Variants in NEB observed in about 807,000 individuals in gnomAD.
NEB encodes nebulin.
A neutral mutation model predicts 952.2 loss-of-function variants in NEB; 512 were observed. The observed-to-expected ratio is 0.54, with a 90% CI of 0.50 to 0.58. The LOEUF is 0.58. Ranked by LOEUF, NEB falls within the 20% of genes least tolerant of loss-of-function variation. NEB has a pLI of 0.00. For missense variants in NEB, 8,428 were observed against 9,231.1 expected (o/e 0.91, Z 3.56); for synonymous variants, 2,900 against 3,149.8 (o/e 0.92, Z 2.66).
chr2:151,732,706 G>A (rs181947347), intron 3 of NEB, among the ~76,000 whole-genome samples: 37 of 152,300 alleles, frequency 2.4e-4, no homozygotes, highest in African/African-American at 8.9e-4. Context: ...TGATTAGCTA[G>A]TTGAAGCAAA....
At chr2:151,696,106 C>T (rs1183076225) in intron 17 of NEB, among the ~76,000 whole-genome samples, 1 of 152,148 alleles carries the variant, frequency 6.6e-6, no homozygotes. Context: ...ATTGAGGTCA[C>T]TTTTATTTTT....
chr2:151,679,892 A>C lies in NEB; in HGVS notation c.3147+26T>G, dbSNP rs772518010. On this transcript the variant is annotated intron_variant, in intron 31 of 181. Transcript: ENST00000397345. Reference sequence around the variant, plus strand: ...GTGTTAGTAAAGTCTGGACATACGCATCAGCCCGTGAGTCCACCCACGCAC... The same window carrying C: ...GTGTTAGTAAAGTCTGGACATACGCCTCAGCCCGTGAGTCCACCCACGCAC... 14 of 1,605,280 alleles carry C rather than the reference A, an allele frequency of 8.7e-6. 1 individual carries two copies. The highest frequency in any genetic ancestry group is 1.7e-4 in the Middle Eastern group (1 of 6,042).
Position 151,545,935 on chromosome 2 carries a change from T to C in NEB, c.20530A>G (p.Thr6844Ala). 2.5e-6 allele frequency: 4 copies of C among 1,610,712 alleles called. No homozygotes were observed. In the South Asian group the frequency reaches 4.4e-5, roughly 18 times the overall value. The change falls in exon 135 of 182, where the codon ACT (threonine) becomes GCT (alanine). Residue 6844 changes from threonine to alanine, a missense_variant. Physicochemically the swap from Thr to Ala is moderately conservative, Grantham distance 58 (BLOSUM62 0). This residue lies in a region of NEB where 3,374 missense variants were observed against 3,651.5 expected (regional missense o/e 0.92). Transcript: ENST00000397345. ...MRDKYKVVLD[T>A]PEYRKVQELK... ...TCTTGCACTTTTCTGTATTCTGGAG[T>C]GTCAAGCACCACTTTGTATTTGTCT...
intron 63 of NEB, among the ~76,000 whole-genome samples, chr2:151,637,069 G>A (rs953304977): frequency 6.6e-5 from 10 of 152,086 alleles, no homozygotes; most frequent in African/African-American, 2.2e-4. Context: ...TGACTGTGCG[G>A]GGTACTTGGG....
At chr2:151,701,686 G>A (rs1232103411) in intron 13 of NEB, among the ~76,000 whole-genome samples, 1 of 150,990 alleles carries the variant, frequency 6.6e-6, no homozygotes, top group Non-Finnish European at 1.5e-5. Flanking sequence ...ATGGTAGTTT[G>A]TATTTCTGTG....
In NEB at chr2:151,663,753, T is replaced by G. The variant is rs748760784; in HGVS notation, c.5558A>C (p.Gln1853Pro). The change falls in exon 45 of 182, where the codon CAG becomes CCG. Residue 1853 changes from glutamine (Q) to proline (P), a missense_variant. Around this residue, in one of 11 missense-constraint regions of NEB, gnomAD observed 2,851 missense variants for 2,791.5 expected, o/e 1.02. Transcript: ENST00000397345. Reference protein sequence around the residue: ...LVHFMQVAKMQSDREYKKGYE... With the variant: ...LVHFMQVAKMPSDREYKKGYE... ...TCCCTTCTTGTATTCCCGGTCTGACTGCATCTTGGCCACTTGCATGAAGTG... is the reference window on the plus strand; with the variant it reads ...TCCCTTCTTGTATTCCCGGTCTGACGGCATCTTGGCCACTTGCATGAAGTG... The G allele has an allele frequency of 1.2e-6, 2 of 1,613,842 alleles. No individual in the cohort carries two copies. The highest frequency in any genetic ancestry group is 1.7e-5 in the Admixed American group (1 of 59,990).
rs973893095 is a variant in NEB, at chr2:151,567,262, T to A, written c.18062A>T (p.Asp6021Val). The A allele has an allele frequency of 6.2e-7, 1 of 1,613,776 alleles. No individual in the cohort carries two copies. Among genetic ancestry groups the A allele is most frequent in the African/African-American group, 1.3e-5 (1 of 74,924 alleles). ...GTGCAAGTAATTACGATAATCAATA[T>A]CACTGACAAGGGTCTGCCCCTGCTT... ...AAKQGQTLVS[D>V]IDYRNYLHQW... Residue 6021 changes from aspartate to valine, a missense_variant, in exon 114 of 182, where the codon GAT (aspartate) becomes GTT (valine). Coordinates refer to ENST00000397345, the MANE Select transcript of NEB (RefSeq NM_001164508.2).
intron 50 of NEB, among the ~76,000 whole-genome samples, 198 bp from the exon 51 acceptor site, chr2:151,655,572 A>G (rs2154146940): frequency 6.6e-6 from 1 of 152,330 alleles, no homozygotes; most frequent in Non-Finnish European, 1.5e-5. Flanking sequence ...TCTATTTTCT[A>G]CAATGGACTG....
chr2:151,646,325 T>TGTTTAATTCAGA, intron 54 of NEB, 91 bp from the exon 55 acceptor site: 2 of 921,972 alleles, frequency 2.2e-6, no homozygotes, highest in Non-Finnish European at 3.4e-6. Flanking sequence ...TTTATCTGAA[T>TGTTTAATTCAGA]TAAACATTAT....
At chr2:151,700,841 T>C (rs2149521712) in intron 13 of NEB, among the ~76,000 whole-genome samples, 1 of 129,708 alleles carries the variant, frequency 7.7e-6, no homozygotes, top group African/African-American at 2.9e-5. Context: ...CTTTTCCTAC[T>C]TGAATACCCT....
chr2:151,705,347 A>C (rs75901530), intron 13 of NEB, among the ~76,000 whole-genome samples: 1 of 152,188 alleles, frequency 6.6e-6, no homozygotes, highest in Non-Finnish European at 1.5e-5. Context: ...GATGCTATTC[A>C]TGTTTAATAT....
At chr2:151,697,518 G>A (rs1430864289) in intron 14 of NEB, 26 bp downstream of exon 14, 1 of 1,606,708 alleles carries the variant, frequency 6.2e-7, no homozygotes, top group Non-Finnish European at 8.5e-7. Flanking sequence ...TTTTTTAACA[G>A]AAAGAGTGAC....
rs762095177 is a variant in NEB at position 151,568,375 on chromosome 2, T to C, written c.17677A>G (p.Thr5893Ala). The part of the protein sequence containing the change: ...KDWNATKSKY[T>A]LTETPLLHTA... ...TGCAGCAGGGGGGTTTCTGTGAGGG[T>C]GTACTTTGATTTGGTGGCATTCCAG... The change falls in exon 112 of 182, where the codon ACC (threonine) becomes GCC (alanine). Residue 5893 changes from threonine (T) to alanine (A), a missense_variant. Physicochemically the swap from Thr to Ala is moderately conservative, Grantham distance 58 (BLOSUM62 0). Transcript: ENST00000397345. 55 of 1,612,644 alleles carry C rather than the reference T, an allele frequency of 3.4e-5. No individual in the cohort carries two copies. The highest frequency in any genetic ancestry group is 4.7e-5 in the Non-Finnish European group (55 of 1,179,688).
chr2:151,535,661 G>T, intron 142 of NEB, 30 bp downstream of exon 142: 2 of 1,383,004 alleles, frequency 1.4e-6, no homozygotes, highest in Non-Finnish European at 1.0e-6. Context: ...AATTGAATAG[G>T]CTTAATTGGA....
chr2:151,639,744 CAGAT>C (rs1267353964), intron 62 of NEB, 109 bp downstream of exon 62: 67 of 877,422 alleles, frequency 7.6e-5, no homozygotes, highest in Non-Finnish European at 1.0e-4. Flanking sequence ...GATACATAGA[CAGAT>C]AGATAGATGC....
At position 151,644,483 on chromosome 2, in the gene NEB, C is replaced by G. The variant is rs750835495; in HGVS notation, c.7629G>C (p.Arg2543=). The G allele has an allele frequency of 6.2e-7, 1 of 1,613,120 alleles. No homozygotes were observed. Among genetic ancestry groups the G allele is most frequent in the Non-Finnish European group, 8.5e-7 (1 of 1,179,236 alleles). The change falls in exon 56 of 182, where the codon CGG becomes CGC. Residue 2543 remains arginine (R), a synonymous_variant. Coordinates refer to ENST00000397345, the MANE Select transcript of NEB (RefSeq NM_001164508.2). ...AAAATCTTACTTCACTGGCAATTTCCCGGGAGGCTTTTGCTGCTTTGATTG... is the reference window on the plus strand; with the variant it reads ...AAAATCTTACTTCACTGGCAATTTCGCGGGAGGCTTTTGCTGCTTTGATTG... ...AIPIKAAKAS[R]EIASEYKYKE... is the part of the protein sequence containing the mutation.
chr2:151,610,627 G>T lies in NEB; in HGVS notation c.11911-4C>A. 1 of 1,605,258 alleles carries T rather than the reference G, an allele frequency of 6.2e-7. No individual in the cohort carries two copies. Among genetic ancestry groups the T allele is most frequent in the Non-Finnish European group, 8.5e-7 (1 of 1,171,992 alleles). On this transcript the variant is annotated splice_polypyrimidine_tract_variant and splice_region_variant and intron_variant, in intron 79 of 181. Coordinates refer to ENST00000397345, the MANE Select transcript of NEB (RefSeq NM_001164508.2). ...CCCATCCCTTGGTGTAAAGTTTCTAGGGAAGGGATAATAGACGACAGAAAA... is the reference window on the plus strand; with the variant it reads ...CCCATCCCTTGGTGTAAAGTTTCTATGGAAGGGATAATAGACGACAGAAAA...
In NEB at chr2:151,680,855, A is replaced by C. The variant is rs774316257; in HGVS notation, c.2944-27T>G. The C allele has an allele frequency of 5.2e-6, 8 of 1,530,886 alleles. No individual in the cohort carries two copies. The East Asian group carries it at 1.8e-4, about 34-fold the overall frequency. The allele number at this position is 1,530,886 out of a possible 1,614,324, so 94.8% of individuals were successfully genotyped here. On this transcript the variant is annotated intron_variant, in intron 29 of 181. Transcript: ENST00000397345. ...TGTTTGGCAAATCAAAAAGAGAAAAACAATCTTGTTTTCCACTGAAGATTA... is the reference window on the plus strand; with the variant it reads ...TGTTTGGCAAATCAAAAAGAGAAAACCAATCTTGTTTTCCACTGAAGATTA...
rs187211085 is a variant in NEB at position 151,554,982 on chromosome 2, G to A, written c.19377C>T (p.Asp6459=). 467 of 1,613,772 alleles carry A rather than the reference G, an allele frequency of 2.9e-4. 1 individual carries two copies. In the African/African-American group the frequency reaches 5.1e-3, roughly 17 times the overall value. The change falls in exon 125 of 182, where the codon GAC becomes GAT. Residue 6459 remains aspartate, a synonymous_variant. Coordinates refer to ENST00000397345, the MANE Select transcript of NEB (RefSeq NM_001164508.2). ...KALYTLPRSV[D]DDPNTARCLR... ...GGCACCGTGCTGTGTTCGGATCATC[G>A]TCAACACTTCTTGGTAACGTATAAA... is the stretch of plus-strand genomic sequence containing the variant.
Sources: gnomAD v4.1 joint callset for allele counts (sites outside exome capture counted in the v4.1 genomes callset) on GRCh38, gnomAD v4.1.1 for gene constraint, gnomAD v4.1.1 regional missense constraint, MANE v1.5 for transcripts, NCBI Gene and HGNC (gene_info 2026-07-23, HGNC 2026-07-21) for gene names.